The following PDGFRL variants were observed in gnomAD, a reference collection of about 807,000 sequenced individuals.
PDGFRL encodes the protein platelet derived growth factor receptor like.
A neutral mutation model predicts 37.2 loss-of-function variants in PDGFRL; 46 were observed. That is an observed-to-expected ratio of 1.24 (90% CI 0.98 to 1.58). The LOEUF (loss-of-function observed/expected upper bound fraction) is 1.58. Among genes scored for constraint, PDGFRL ranks in the 40% most tolerant of loss-of-function variants. The pLI is 0.00. For missense variants in PDGFRL, 692 were observed against 467.6 expected (o/e 1.48, Z -4.43); for synonymous variants, 251 against 184.3 (o/e 1.36, Z -2.93).
intron 1 of PDGFRL, among the ~76,000 whole-genome samples, chr8:17,583,142 C>T (rs1327711717): frequency 6.6e-6 from 1 of 152,160 alleles, no homozygotes; most frequent in African/African-American, 2.4e-5. Context: ...TAGCTTCCAC[C>T]TAGATTTCAG....
chr8:17,601,190 C>T (rs1470920033), intron 2 of PDGFRL, among the ~76,000 whole-genome samples: 1 of 152,212 alleles, frequency 6.6e-6, no homozygotes, highest in Admixed American at 6.5e-5. Context: ...CCACTTCTTC[C>T]TATCACAACA....
At chr8:17,636,195 A>T (rs1032584620) in intron 5 of PDGFRL, among the ~76,000 whole-genome samples, 2 of 152,246 alleles carry the variant, frequency 1.3e-5, no homozygotes, top group East Asian at 1.9e-4. Context: ...GCCTAAGCCA[A>T]TGTCTAGAAA....
intron 2 of PDGFRL, among the ~76,000 whole-genome samples, chr8:17,597,108 C>T (rs1043902012): frequency 6.6e-6 from 1 of 152,144 alleles, no homozygotes; most frequent in African/African-American, 2.4e-5. Flanking sequence ...GCAACCTCTA[C>T]CTCTCATGTT....
chr8:17,576,833 G>A (rs1585291301), upstream of PDGFRL: 1 of 332,000 alleles, frequency 3.0e-6, no homozygotes, highest in Admixed American at 5.5e-5. Context: ...GAGCACTCAG[G>A]TTCTGCCTGA....
Position 17,595,253 on chromosome 8 carries a change from C to T in PDGFRL, c.353+5488C>T, listed in dbSNP as rs536777563. On this transcript the variant is annotated intron_variant, in intron 2 of 5. Coordinates refer to ENST00000251630, the MANE Select transcript of PDGFRL (RefSeq NM_001372073.1). ...TGCCAGAGGGAGCCTCCTTGCCCTCCCTCCCTGCCCACCATCCCCTCAACC... is the reference window on the plus strand; with the variant it reads ...TGCCAGAGGGAGCCTCCTTGCCCTCTCTCCCTGCCCACCATCCCCTCAACC... 5.3e-5 allele frequency among the ~76,000 whole-genome samples: 8 copies of T among 152,220 alleles called. No homozygotes were observed. In the East Asian group the frequency reaches 5.8e-4, roughly 11 times the overall value.
chr8:17,611,357 T>C (rs1804407957), intron 2 of PDGFRL, among the ~76,000 whole-genome samples: 1 of 152,258 alleles, frequency 6.6e-6, no homozygotes, highest in East Asian at 1.9e-4. Context: ...TTCTGTACAC[T>C]GTCACCTTTA....
chr8:17,634,271 C>T (rs1804924716), intron 5 of PDGFRL, 58 bp downstream of exon 5: 3 of 1,398,754 alleles, frequency 2.1e-6, no homozygotes, highest in African/African-American at 1.4e-5. Context: ...CTCAGCCAGC[C>T]ATTTTAATTC....
chr8:17,625,250 C>A (rs530860264), intron 3 of PDGFRL, among the ~76,000 whole-genome samples: 1 of 150,792 alleles, frequency 6.6e-6, no homozygotes. Context: ...CTCCCCGGTT[C>A]GAGCGATTCT....
intron 1 of PDGFRL, among the ~76,000 whole-genome samples, chr8:17,581,171 G>A (rs915814693): frequency 1.3e-5 from 2 of 152,220 alleles, no homozygotes; most frequent in Non-Finnish European, 1.5e-5. Flanking sequence ...GGACTGAGGC[G>A]GGGTGTGAGG....
intron 2 of PDGFRL, among the ~76,000 whole-genome samples, chr8:17,614,006 G>A (rs1327822403): frequency 6.6e-6 from 1 of 152,206 alleles, no homozygotes; most frequent in African/African-American, 2.4e-5. Flanking sequence ...CAAGGATTTT[G>A]AATAGTTCCT....
At position 17,589,553 on chromosome 8, in the gene PDGFRL, C is replaced by T. The variant is rs748775853; in HGVS notation, c.141C>T (p.Pro47=). 2 of 1,613,498 alleles carry T rather than the reference C, an allele frequency of 1.2e-6. No individual in the cohort carries two copies. The highest frequency in any genetic ancestry group is 1.7e-6 in the Non-Finnish European group (2 of 1,179,468). ...AACCTACCAACAAGAAGGTGAAGCC[C>T]AAAATTCCTAAAATGAAGGACAGGG... ...RIKPTNKKVK[P]KIPKMKDRDS... is the part of the protein sequence containing the mutation. Residue 47 remains proline (P), a synonymous_variant, in exon 2 of 6, where the codon CCC becomes CCT. Coordinates refer to ENST00000251630, the MANE Select transcript of PDGFRL (RefSeq NM_001372073.1).
chr8:17,606,838 G>C (rs1804288110), intron 2 of PDGFRL, among the ~76,000 whole-genome samples: 1 of 150,852 alleles, frequency 6.6e-6, no homozygotes, highest in South Asian at 2.1e-4. Context: ...TCACCATACT[G>C]TACCCAAAGG....
upstream of PDGFRL, chr8:17,577,191 C>G: frequency 6.3e-7 from 1 of 1,575,544 alleles, no homozygotes; most frequent in South Asian, 1.2e-5. Flanking sequence ...CCGCCGCCTC[C>G]CCTGCGTCCC....
intron 2 of PDGFRL, among the ~76,000 whole-genome samples, chr8:17,620,401 T>A (rs12545009): frequency 0.5 from 76,555 of 151,986 alleles, 20,318 homozygotes; most frequent in Middle Eastern, 0.63. Context: ...TTTAGGGTGG[T>A]TTTAGGTTGC....
intron 5 of PDGFRL, among the ~76,000 whole-genome samples, chr8:17,640,394 T>C (rs1332597243): frequency 6.6e-6 from 1 of 152,146 alleles, no homozygotes; most frequent in Non-Finnish European, 1.5e-5. Context: ...GGTTCCTTCT[T>C]ATTTGGGTAG....
chr8:17,617,451 G>C (rs1031065007), intron 2 of PDGFRL, among the ~76,000 whole-genome samples: 2 of 152,278 alleles, frequency 1.3e-5, no homozygotes, highest in African/African-American at 2.4e-5. Flanking sequence ...TCTCTGTACA[G>C]ACACTGGCTC....
At chr8:17,582,599 A>C (rs1452763770) in intron 1 of PDGFRL, among the ~76,000 whole-genome samples, 2 of 141,620 alleles carry the variant, frequency 1.4e-5, no homozygotes, top group African/African-American at 5.1e-5. Flanking sequence ...AAAAAAAAAA[A>C]ACTTAGGCTC....
chr8:17,594,141 G>A (rs145589219), intron 2 of PDGFRL, among the ~76,000 whole-genome samples: 1 of 151,378 alleles, frequency 6.6e-6, no homozygotes, highest in Non-Finnish European at 1.5e-5. Context: ...TGTTACTGAC[G>A]TATTTCCCAC....
intron 1 of PDGFRL, among the ~76,000 whole-genome samples, chr8:17,577,609 C>T (rs996129329): frequency 2.6e-5 from 4 of 151,666 alleles, no homozygotes; most frequent in Non-Finnish European, 5.9e-5. Flanking sequence ...AGCGCCTGGT[C>T]CAGCCCCCAG....
Sources: gnomAD v4.1 joint callset for allele counts (sites outside exome capture counted in the v4.1 genomes callset) on GRCh38, gnomAD v4.1.1 for gene constraint, MANE v1.5 for transcripts, NCBI Gene and HGNC (gene_info 2026-07-23, HGNC 2026-07-21) for gene names.